NET1: variants seen among roughly 807,000 people sequenced by gnomAD.
The protein encoded by NET1 is neuroepithelial cell-transforming gene 1 protein.
A neutral mutation model predicts 61.1 loss-of-function variants in NET1; 42 were observed. The ratio of observed to expected loss-of-function variants is 0.69; its 90% CI spans 0.54 to 0.89. The LOEUF is 0.89. Among genes scored for constraint, NET1 ranks in the 40% least tolerant of loss-of-function variants. NET1 has a pLI of 0.00. For synonymous variants in NET1, 254 were observed against 281.8 expected, an observed-to-expected ratio of 0.90 and a Z score of 0.99; for missense variants, 654 against 747.3, an observed-to-expected ratio of 0.88 and a Z score of 1.46.
chr10:5,438,599 A>G (rs1229140363), intron 3 of NET1, among the ~76,000 whole-genome samples: 3 of 152,132 alleles, frequency 2.0e-5, no homozygotes, highest in South Asian at 2.1e-4. Flanking sequence ...GTAATCAAAA[A>G]CCTCTCAACA....
In NET1 at chr10:5,426,517, A is replaced by G; in HGVS notation, c.129-138A>G. The G allele has an allele frequency of 1.7e-6, 1 of 595,502 alleles. No homozygotes were observed. Among genetic ancestry groups the G allele is most frequent in the Non-Finnish European group, 2.9e-6 (1 of 340,520 alleles). The allele number at this position is 595,502 out of a possible 1,614,324, so 36.9% of individuals were successfully genotyped here. A position where few individuals can be genotyped will look rare whatever the true frequency, so the allele number is the denominator to read the frequency against. ...TTTATATATATATAGACCATCTCTC[A>G]TATTACTAAGATTGAATGACAAATC... On this transcript the variant is annotated intron_variant, in intron 1 of 11. Coordinates refer to ENST00000355029, the MANE Select transcript of NET1 (RefSeq NM_001047160.3). The surrounding 1 kb of genome is among the most constrained non-coding windows in gnomAD (Gnocchi z 4.6).
intron 3 of NET1, among the ~76,000 whole-genome samples, chr10:5,445,635 A>G (rs1219827839): frequency 6.6e-6 from 1 of 152,220 alleles, no homozygotes; most frequent in Non-Finnish European, 1.5e-5. Context: ...TTGTGTTTAA[A>G]AGGAAATCTG....
In NET1 at chr10:5,446,815, T is replaced by A; in HGVS notation, c.256-5015T>A. Reference sequence around the variant, plus strand: ...GGTCTCCTACCTATTAAAAGGACCATACGAGTCCTAGATGTCAATAACCAG... The same window carrying A: ...GGTCTCCTACCTATTAAAAGGACCAAACGAGTCCTAGATGTCAATAACCAG... On this transcript the variant is annotated intron_variant, in intron 3 of 11. Transcript: ENST00000355029. The surrounding 1 kb of genome is among the most constrained non-coding windows in gnomAD (Gnocchi z 5.0). The A allele has an allele frequency of 6.2e-7, 1 of 1,611,992 alleles. No individual in the cohort carries two copies. The highest frequency in any genetic ancestry group is 8.5e-7 in the Non-Finnish European group (1 of 1,178,786).
chr10:5,425,243 G>A (rs796897654), intron 1 of NET1, among the ~76,000 whole-genome samples: 1 of 139,388 alleles, frequency 7.2e-6, no homozygotes, highest in African/African-American at 2.7e-5. Context: ...AGTTTCCTTT[G>A]TGTTCCTTGT....
Position 5,456,062 on chromosome 10 carries a change from T to C in NET1, c.1198-25T>C. 3 of 1,593,786 alleles carry C rather than the reference T, an allele frequency of 1.9e-6. No homozygotes were observed. The highest frequency in any genetic ancestry group is 2.6e-6 in the Non-Finnish European group (3 of 1,167,674). ...CACTTAAAAACACAAGTTTCCTATT[T>C]AGCGTTTGTTTCCCATTTCTCCAGA... is the stretch of plus-strand genomic sequence containing the variant. On this transcript the variant is annotated intron_variant, in intron 10 of 11. Transcript: ENST00000355029. This position sits in a 1 kb window ranked among gnomAD's most constrained non-coding sequence, Gnocchi z 7.0.
intron 1 of NET1, among the ~76,000 whole-genome samples, chr10:5,418,858 T>C (rs1230576552): frequency 6.6e-6 from 1 of 152,236 alleles, no homozygotes; most frequent in Non-Finnish European, 1.5e-5. Flanking sequence ...AATTTTGATA[T>C]ATTGTGTCTT....
rs1187075383 is a variant in NET1, at chr10:5,413,036, T to TGG, written c.128+225_128+226dup. 2.2e-3 allele frequency among the ~76,000 whole-genome samples: 86 copies of TGG among 39,962 alleles called. 1 individual carries two copies. The highest frequency in any genetic ancestry group is 5.7e-3 in the African/African-American group (30 of 5,254). 26.2% of individuals were successfully genotyped at this position (39,962 alleles called of 152,430 possible). ...GGGGTGGGGGAGGTGACCGCGGGGT[T>TGG]GGGGGGGGGGACGGGGGCCGCTGGA... On this transcript the variant is annotated intron_variant, in intron 1 of 11. Coordinates refer to ENST00000355029, the MANE Select transcript of NET1 (RefSeq NM_001047160.3).
rs1040880138 is a variant in NET1 at position 5,416,825 on chromosome 10, A to T, written c.128+4005A>T. Among the ~76,000 whole-genome samples the T allele has an allele frequency of 5.3e-5, 8 of 152,106 alleles. No individual in the cohort carries two copies. Among genetic ancestry groups the T allele is most frequent in the African/African-American group, 1.4e-4 (6 of 41,416 alleles). On this transcript the variant is annotated intron_variant, in intron 1 of 11. Transcript: ENST00000355029. This position sits in a 1 kb window ranked among gnomAD's most constrained non-coding sequence, Gnocchi z 6.1. ...ACCCCATAGCCATGTCTATGGGTGA[A>T]TGTTTACAGCTGAAGCCTCAGTGGG...
rs546497421 is a variant in NET1, at chr10:5,440,137, C to T, written c.255+10908C>T. On this transcript the variant is annotated intron_variant, in intron 3 of 11. Coordinates refer to ENST00000355029, the MANE Select transcript of NET1 (RefSeq NM_001047160.3). This position sits in a 1 kb window ranked among gnomAD's most constrained non-coding sequence, Gnocchi z 4.1. ...ACTTTCCACTTCCTATTCACCAGGT[C>T]TTTTTGGTATAATGTTATTAATACA... Among the ~76,000 whole-genome samples, 20 of 152,344 alleles carry T rather than the reference C, an allele frequency of 1.3e-4. No individual in the cohort carries two copies. Among genetic ancestry groups the T allele is most frequent in the African/African-American group, 4.8e-4 (20 of 41,586 alleles).
rs1361807442 is a variant in NET1, at chr10:5,455,098, C to T, written c.1177C>T (p.Leu393=). Residue 393 remains leucine (L), a synonymous_variant, in exon 10 of 12, where the codon CTG becomes TTG. Coordinates refer to ENST00000355029, the MANE Select transcript of NET1 (RefSeq NM_001047160.3). The surrounding 1 kb of genome is among the most constrained non-coding windows in gnomAD (Gnocchi z 6.5). ...CAAAGTGCTGCTGTGCCATGGGGAGCTGCGGAGCAAGAGTGGACATGTAGG... is the reference window on the plus strand; with the variant it reads ...CAAAGTGCTGCTGTGCCATGGGGAGTTGCGGAGCAAGAGTGGACATGTAGG... ...ASKVLLCHGE[L]RSKSGHKLYI... 2 of 1,613,490 alleles carry T rather than the reference C, an allele frequency of 1.2e-6. No individual in the cohort carries two copies. The highest frequency in any genetic ancestry group is 2.7e-5 in the African/African-American group (2 of 74,916).
chr10:5,413,030 CGGGGTTGGGGGG>C (rs150937962), intron 1 of NET1, among the ~76,000 whole-genome samples: 2,384 of 12,564 alleles, frequency 0.19, 75 homozygotes, highest in African/African-American at 0.37. Context: ...GAGGTGACCG[CGGGGTTGGGGGG>C]GGGGACGGGG....
chr10:5,449,742 A>G lies in NET1; in HGVS notation c.256-2088A>G, dbSNP rs1021842632. Reference sequence around the variant, plus strand: ...CATTAATTTGATTTTATGTGATAAAATAGATATCAAAAATTTATTTCCTGC... The same window carrying G: ...CATTAATTTGATTTTATGTGATAAAGTAGATATCAAAAATTTATTTCCTGC... On this transcript the variant is annotated intron_variant, in intron 3 of 11. Coordinates refer to ENST00000355029, the MANE Select transcript of NET1 (RefSeq NM_001047160.3). The surrounding 1 kb of genome is among the most constrained non-coding windows in gnomAD (Gnocchi z 4.4). 6.6e-6 allele frequency among the ~76,000 whole-genome samples: 1 copy of G among 152,244 alleles called. No individual in the cohort carries two copies. The highest frequency in any genetic ancestry group is 1.5e-5 in the Non-Finnish European group (1 of 68,048).
Position 5,423,404 on chromosome 10 carries a change from G to C in NET1, c.129-3251G>C, listed in dbSNP as rs574170946. ...ACAGCAGCTTTATCATTTTAATTAT[G>C]ATTTCTTTAGACTAAACCTAATTTA... On this transcript the variant is annotated intron_variant, in intron 1 of 11. Coordinates refer to ENST00000355029, the MANE Select transcript of NET1 (RefSeq NM_001047160.3). This position sits in a 1 kb window ranked among gnomAD's most constrained non-coding sequence, Gnocchi z 4.4. Among the ~76,000 whole-genome samples the C allele has an allele frequency of 6.6e-6, 1 of 152,088 alleles. No individual in the cohort carries two copies. The highest frequency in any genetic ancestry group is 1.5e-5 in the Non-Finnish European group (1 of 67,998).
chr10:5,438,565 A>G (rs1832473562), intron 3 of NET1, among the ~76,000 whole-genome samples: 2 of 152,216 alleles, frequency 1.3e-5, no homozygotes, highest in African/African-American at 4.8e-5. Flanking sequence ...GACTAAACCT[A>G]TAACTAGTAA....
chr10:5,428,246 G>A (rs576534048), intron 2 of NET1, among the ~76,000 whole-genome samples: 41 of 152,130 alleles, frequency 2.7e-4, no homozygotes, highest in Non-Finnish European at 5.9e-4. Context: ...AGTGTTACCC[G>A]TGGGTGCTTA....
At chr10:5,434,893 T>G (rs1158693024) in intron 3 of NET1, among the ~76,000 whole-genome samples, 1 of 152,152 alleles carries the variant, frequency 6.6e-6, no homozygotes, top group African/African-American at 2.4e-5. Flanking sequence ...TATAAAATAT[T>G]AATATCCTCA....
At chr10:5,450,866 A>G (rs1431131788) in intron 3 of NET1, among the ~76,000 whole-genome samples, 2 of 152,246 alleles carry the variant, frequency 1.3e-5, no homozygotes. Flanking sequence ...ATCCTTGAAT[A>G]AGTGATGTGT....
intron 3 of NET1, among the ~76,000 whole-genome samples, chr10:5,434,891 A>T (rs990973384): frequency 4.6e-5 from 7 of 152,146 alleles, no homozygotes; most frequent in Admixed American, 3.9e-4. Flanking sequence ...TATATAAAAT[A>T]TTAATATCCT....
At chr10:5,428,703 TCTC>T (rs72044576) in intron 2 of NET1, among the ~76,000 whole-genome samples, 36,808 of 150,132 alleles carry the variant, frequency 0.25, 4,774 homozygotes, top group Non-Finnish European at 0.28. Context: ...CATGAGCGTC[TCTC>T]CTCAAGATAA....
Sources: allele counts gnomAD v4.1 joint callset (sites outside exome capture counted in the v4.1 genomes callset), GRCh38; gene constraint gnomAD v4.1.1; non-coding constraint Gnocchi (gnomAD v3.1); transcripts MANE v1.5; gene names NCBI Gene and HGNC (gene_info 2026-07-23, HGNC 2026-07-21).